The following FANCA variants were observed in gnomAD, a reference collection of about 807,000 sequenced individuals.
The protein encoded by FANCA is Fanconi anemia group A protein.
In FANCA, 236 loss-of-function variants were observed where a neutral mutation model predicts 194.3. That is an observed-to-expected ratio of 1.21 (90% CI 1.09 to 1.35). The LOEUF (loss-of-function observed/expected upper bound fraction) is 1.35, where lower values mean the gene tolerates loss of function less well. FANCA is among the 40% of genes most tolerant of loss of function. The pLI is 0.00. For synonymous variants in FANCA, 1,014 were observed against 715.8 expected (o/e 1.42, Z -6.65); for missense variants, 2,628 against 1,813.9 (o/e 1.45, Z -8.15).
At chr16:89,740,949 A>G in intron 37 of FANCA, 83 bp from the exon 38 acceptor site, 4 of 1,314,062 alleles carry the variant, frequency 3.0e-6, no homozygotes, top group Non-Finnish European at 4.3e-6. Context: ...TTCCTCTTTA[A>G]TTGAAATTTT....
intron 10 of FANCA, chr16:89,798,845 G>A (rs1320897228): frequency 2.7e-6 from 4 of 1,507,952 alleles, no homozygotes; most frequent in Middle Eastern, 2.4e-4. Context: ...CACACCCAGG[G>A]AAGGAGGAGC....
rs1467062083 is a variant in FANCA, at chr16:89,738,060, CTT to C, written c.*539_*540del. 1 of 1,614,032 alleles carries C rather than the reference CTT, an allele frequency of 6.2e-7. No homozygotes were observed. The highest frequency in any genetic ancestry group is 8.5e-7 in the Non-Finnish European group (1 of 1,180,060). On this transcript the variant is annotated 3_prime_UTR_variant, in exon 43 of 43. Transcript: ENST00000389301. ...AACACAAGGCTGAGACTGAGCTGGA[CTT>C]TGCCTGTGACCAGTGTGGCCGGCGG... is the stretch of plus-strand genomic sequence containing the variant.
At chr16:89,748,636 A>ACACGTGCACACGGGG in intron 33 of FANCA, 23 bp downstream of exon 33, 1 of 1,575,464 alleles carries the variant, frequency 6.3e-7, no homozygotes, top group South Asian at 1.1e-5. Flanking sequence ...GATCGGACGG[A>ACACGTGCACACGGGG]CACGTGCACA....
intron 8 of FANCA, 100 bp downstream of exon 8, chr16:89,803,159 C>G (rs75719013): frequency 6.0e-6 from 7 of 1,163,758 alleles, no homozygotes; most frequent in Admixed American, 5.1e-5. Context: ...TAAATAGGTA[C>G]AAACAGCACG....
intron 18 of FANCA, 84 bp from the exon 19 acceptor site, chr16:89,779,087 T>G: frequency 1.5e-6 from 2 of 1,336,498 alleles, no homozygotes; most frequent in Non-Finnish European, 2.1e-6. Flanking sequence ...TTTCAGAGAG[T>G]GGACTGCGAG....
chr16:89,759,318 TAAAAAAAAAAA>T (rs71137673), intron 29 of FANCA, among the ~76,000 whole-genome samples: 39 of 75,204 alleles, frequency 5.2e-4, no homozygotes, highest in African/African-American at 9.7e-4. Context: ...AGACTCCGTC[TAAAAAAAAAAA>T]AAAAAAAAAA....
chr16:89,795,386 C>T lies in FANCA; in HGVS notation c.1006+520G>A, dbSNP rs958442892. 7.2e-5 allele frequency among the ~76,000 whole-genome samples: 11 copies of T among 152,018 alleles called. No individual in the cohort carries two copies. In the East Asian group the frequency reaches 9.7e-4, roughly 13 times the overall value. Reference sequence around the variant, plus strand: ...GCTCACACCTGTAATCCCAACACTTCGACACTCTGGGAAGCCAAGGCAGGT... The same window carrying T: ...GCTCACACCTGTAATCCCAACACTTTGACACTCTGGGAAGCCAAGGCAGGT... On this transcript the variant is annotated intron_variant, in intron 11 of 42. Transcript: ENST00000389301.
At chr16:89,762,740 T>TC (rs1205752790) in intron 28 of FANCA, 2 of 451,684 alleles carry the variant, frequency 4.4e-6, no homozygotes, top group Admixed American at 4.7e-5. Context: ...TCCAGAATTC[T>TC]CCCCCTCAGC....
intron 37 of FANCA, among the ~76,000 whole-genome samples, chr16:89,741,726 G>A (rs181639012): frequency 1.6e-4 from 25 of 152,226 alleles, no homozygotes; most frequent in Admixed American, 9.2e-4. Flanking sequence ...GGCTGCAGAC[G>A]GTCCCATCCT....
intron 27 of FANCA, among the ~76,000 whole-genome samples, chr16:89,766,115 G>T (rs1453675763): frequency 1.3e-5 from 2 of 151,592 alleles, no homozygotes; most frequent in Non-Finnish European, 2.9e-5. Flanking sequence ...TCCTGCCTCA[G>T]CCTCCCAAGT....
At chr16:89,739,633 G>T (rs2062074812) in intron 39 of FANCA, 80 bp from the exon 40 acceptor site, 2 of 1,518,176 alleles carry the variant, frequency 1.3e-6, no homozygotes, top group South Asian at 2.4e-5. Context: ...TGGGGGTCGG[G>T]ACGTGTACCC....
chr16:89,767,358 T>C (rs994361149), intron 26 of FANCA, 121 bp from the exon 27 acceptor site: 1 of 760,746 alleles, frequency 1.3e-6, no homozygotes, highest in Non-Finnish European at 2.2e-6. Context: ...GCCTGAGCAT[T>C]GGTCCTTCGT....
At chr16:89,798,858 G>C in intron 10 of FANCA, 1 of 1,534,412 alleles carries the variant, frequency 6.5e-7, no homozygotes, top group South Asian at 1.2e-5. Flanking sequence ...GGAGGAGCAA[G>C]GGGAGACTCC....
rs368761710 is a variant in FANCA, at chr16:89,799,594, A to C, written c.826+11T>G. 1.6e-5 allele frequency: 26 copies of C among 1,612,494 alleles called. No individual in the cohort carries two copies. The highest frequency in any genetic ancestry group is 2.0e-5 in the Non-Finnish European group (23 of 1,178,626). ...TCATTTACAGTCTGGGCTGCAGTGC[A>C]ATTAACTTACAAATCAGCATTCTCT... On this transcript the variant is annotated intron_variant, in intron 9 of 42. Transcript: ENST00000389301.
At position 89,770,276 on chromosome 16, in the gene FANCA, GA is replaced by G. The variant is rs2039279687; in HGVS notation, c.2223-18del. The stretch of plus-strand genomic sequence containing the variant: ...GGACCCTGCCTGCAGAGACAGCCGT[GA>G]AACCATCAGTACTAGCCATTCAGTC... On this transcript the variant is annotated intron_variant, in intron 24 of 42. Transcript: ENST00000389301. 1 of 1,556,342 alleles carries G rather than the reference GA, an allele frequency of 6.4e-7. No homozygotes were observed.
At chr16:89,787,440 G>A (rs1041713951) in intron 14 of FANCA, among the ~76,000 whole-genome samples, 3 of 152,066 alleles carry the variant, frequency 2.0e-5, no homozygotes, top group African/African-American at 4.8e-5. Flanking sequence ...GGAGAATGGC[G>A]TGAACCCGGG....
chr16:89,778,576 C>T, intron 20 of FANCA: 1 of 501,688 alleles, frequency 2.0e-6, no homozygotes, highest in Admixed American at 4.0e-5. Flanking sequence ...TGCAGTGAGC[C>T]AAGATCTCGC....
intron 30 of FANCA, among the ~76,000 whole-genome samples, chr16:89,755,943 C>T (rs543792607): frequency 3.3e-5 from 5 of 152,162 alleles, no homozygotes; most frequent in East Asian, 1.9e-4. Context: ...CCAGAGCCCC[C>T]GCACACCTAG....
intron 24 of FANCA, 143 bp from the exon 25 acceptor site, chr16:89,770,402 T>G (rs753648040): frequency 9.8e-7 from 1 of 1,025,036 alleles, no homozygotes; most frequent in Non-Finnish European, 1.5e-6. Flanking sequence ...ACCCATCTTC[T>G]GCAGTGCTTC....
Sources: allele counts gnomAD v4.1 joint callset (sites outside exome capture counted in the v4.1 genomes callset), GRCh38; gene constraint gnomAD v4.1.1; transcripts MANE v1.5; gene names NCBI Gene and HGNC (gene_info 2026-07-23, HGNC 2026-07-21).